Variants in NDUFB8 observed in about 807,000 individuals in gnomAD.
The protein encoded by NDUFB8 is NADH dehydrogenase [ubiquinone] 1 beta subcomplex subunit 8, mitochondrial.
A neutral mutation model predicts 26.0 loss-of-function variants in NDUFB8; 17 were observed. The observed-to-expected ratio is 0.65, with a 90% confidence interval of 0.45 to 0.98. The LOEUF is 0.98. NDUFB8 is among the 50% of genes least tolerant of loss of function. The probability of loss-of-function intolerance (pLI) is 0.00; values close to 1 mark genes in which losing one functional copy is unlikely to be tolerated. For synonymous variants in NDUFB8, 89 were observed against 93.1 expected, an observed-to-expected ratio of 0.96 and a Z score of 0.25; for missense variants, 238 against 255.0, an observed-to-expected ratio of 0.93 and a Z score of 0.45.
intron 3 of NDUFB8, 150 bp from the exon 4 acceptor site, chr10:100,526,704 C>A: frequency 1.0e-6 from 1 of 957,202 alleles, no homozygotes; most frequent in Non-Finnish European, 1.6e-6. Context: ...GGCACACTGC[C>A]CTACAGGATT....
intron 4 of NDUFB8, 129 bp downstream of exon 4, chr10:100,526,270 A>C: frequency 9.1e-7 from 1 of 1,099,688 alleles, no homozygotes; most frequent in Non-Finnish European, 1.2e-6. Context: ...AGGCCCTCCT[A>C]TCTTCCTATC....
At chr10:100,527,942 C>T (rs1852080945) in intron 2 of NDUFB8, among the ~76,000 whole-genome samples, 1 of 152,326 alleles carries the variant, frequency 6.6e-6, no homozygotes, top group East Asian at 1.9e-4. Flanking sequence ...GCCTCAGCCT[C>T]CCAAGTAGCT....
chr10:100,525,424 T>A (rs1852026994), intron 4 of NDUFB8, among the ~76,000 whole-genome samples: 1 of 151,942 alleles, frequency 6.6e-6, no homozygotes, highest in African/African-American at 2.4e-5. Flanking sequence ...GCCTGGCTAA[T>A]TTTTTTGTAT....
intron 4 of NDUFB8, among the ~76,000 whole-genome samples, chr10:100,525,722 G>GTGTA (rs1298554842): frequency 5.8e-5 from 1 of 17,326 alleles, no homozygotes; most frequent in African/African-American, 9.2e-5. Context: ...ACATACGTGT[G>GTGTA]TGTGTGTGTG....
At position 100,524,522 on chromosome 10, in the gene NDUFB8, A is replaced by G. The variant is rs1445760863; in HGVS notation, c.469-593T>C. ...GGTGATGTGCTTACAGAACTGAAAA[A>G]TGGAAGAGCCACACTGTTCCTTGCT... On this transcript the variant is annotated intron_variant, in intron 4 of 4. Transcript: ENST00000299166. This position sits in a 1 kb window ranked among gnomAD's most constrained non-coding sequence, Gnocchi z 4.0. 6.6e-6 allele frequency among the ~76,000 whole-genome samples: 1 copy of G among 152,184 alleles called. No homozygotes were observed. The highest frequency in any genetic ancestry group is 1.5e-5 in the Non-Finnish European group (1 of 68,024).
At chr10:100,526,716 G>A in intron 3 of NDUFB8, 162 bp from the exon 4 acceptor site, 2 of 883,596 alleles carry the variant, frequency 2.3e-6, no homozygotes, top group Non-Finnish European at 3.5e-6. Flanking sequence ...TACAGGATTA[G>A]ATGCTGGCCT....
Position 100,524,207 on chromosome 10 carries a change from G to C in NDUFB8, c.469-278C>G. 2 of 1,361,102 alleles carry C rather than the reference G, an allele frequency of 1.5e-6. No homozygotes were observed. The highest frequency in any genetic ancestry group is 1.0e-6 in the Non-Finnish European group (1 of 973,940). 84.3% of individuals were successfully genotyped at this position (1,361,102 alleles called of 1,614,324 possible). A position where few individuals can be genotyped will look rare whatever the true frequency, so the allele number is the denominator to read the frequency against. ...AAAGGAGGGGAAGGGAGGAAGACAG[G>C]GAGGGAGGTAAAGAAAGAGAGAAGA... On this transcript the variant is annotated intron_variant, in intron 4 of 4. Transcript: ENST00000299166. The surrounding 1 kb of genome is among the most constrained non-coding windows in gnomAD (Gnocchi z 4.0).
rs1057136071 is a variant in NDUFB8, at chr10:100,523,884, C to T, written c.514G>A (p.Gly172Ser). 8 of 1,613,998 alleles carry T rather than the reference C, an allele frequency of 5.0e-6. No homozygotes were observed. Among genetic ancestry groups the T allele is most frequent in the Middle Eastern group, 1.6e-4 (1 of 6,082 alleles). Reference protein sequence around the residue: ...PYNNLYLERGGDPSKEPERVV... With the variant: ...PYNNLYLERGSDPSKEPERVV... ...CGCTCTGGTTCTTTGGAGGGATCAC[C>T]GCCTCGTTCCAGGTACAGATTATTG... Residue 172 changes from glycine (G) to serine (S), a missense_variant, in exon 5 of 5, where the codon GGT becomes AGT. By Grantham distance (56) the Gly-to-Ser change is moderately conservative (BLOSUM62 0). Transcript: ENST00000299166.
At position 100,529,429 on chromosome 10, in the gene NDUFB8, A is replaced by T; in HGVS notation, c.163T>A (p.Tyr55Asn). The change falls in exon 2 of 5, where the codon TAT becomes AAT. Residue 55 changes from tyrosine (Y) to asparagine (N), a missense_variant. By Grantham distance (143) the Tyr-to-Asn change is moderately radical. Transcript: ENST00000299166. The part of the protein sequence containing the change: ...PEERAAAAKK[Y>N]NMRVEDYEPY... ...TCGTAGTCTTCCACACGCATATTAT[A>T]CTTCTTGGCGGCGGCGGCCCGTTCT... The T allele has an allele frequency of 6.2e-7, 1 of 1,612,416 alleles. No individual in the cohort carries two copies. The highest frequency in any genetic ancestry group is 8.5e-7 in the Non-Finnish European group (1 of 1,179,464).
rs1378092329 is a variant in NDUFB8, at chr10:100,524,557, T to G, written c.469-628A>C. On this transcript the variant is annotated intron_variant, in intron 4 of 4. Coordinates refer to ENST00000299166, the MANE Select transcript of NDUFB8 (RefSeq NM_005004.4). This position sits in a 1 kb window ranked among gnomAD's most constrained non-coding sequence, Gnocchi z 4.0. ...CACACTGTTCCTTGCTCTCCTGAAG[T>G]GAAGTTAGTGCTCACCCTAGCCCTA... Among the ~76,000 whole-genome samples the G allele has an allele frequency of 6.6e-6, 1 of 152,190 alleles. No homozygotes were observed. The highest frequency in any genetic ancestry group is 1.5e-5 in the Non-Finnish European group (1 of 68,034).
rs1373055920 is a variant in NDUFB8 at position 100,524,861 on chromosome 10, T to C, written c.469-932A>G. Among the ~76,000 whole-genome samples, 2 of 152,208 alleles carry C rather than the reference T, an allele frequency of 1.3e-5. No homozygotes were observed. The highest frequency in any genetic ancestry group is 1.3e-4 in the Admixed American group (2 of 15,284). On this transcript the variant is annotated intron_variant, in intron 4 of 4. Transcript: ENST00000299166. This position sits in a 1 kb window ranked among gnomAD's most constrained non-coding sequence, Gnocchi z 4.0. The stretch of plus-strand genomic sequence containing the variant: ...CCCTGCCACCTAGAGGCAGACCAAG[T>C]CATCACTGTATCCCCAACCGCTAGC...
At position 100,529,831 on chromosome 10, in the gene NDUFB8, C is replaced by A. The variant is rs748828360; in HGVS notation, c.21G>T (p.Gly7=). ...TTTGCAGCCACTGGACTCCCAAGAC[C>A]CCGGCCCTGGCCACCGCCATCTTCA... MAVARA[G]VLGVQWLQRA... The change falls in exon 1 of 5, where the codon GGG becomes GGT. Residue 7 remains glycine, a synonymous_variant. Coordinates refer to ENST00000299166, the MANE Select transcript of NDUFB8 (RefSeq NM_005004.4). 1 of 1,607,824 alleles carries A rather than the reference C, an allele frequency of 6.2e-7. No individual in the cohort carries two copies. The highest frequency in any genetic ancestry group is 8.5e-7 in the Non-Finnish European group (1 of 1,177,172).
Position 100,523,789 on chromosome 10 carries a change from G to A in NDUFB8, c.*48C>T. ...GGATTTCATTAAGGTTAAATTTCTA[G>A]GAATGAGGGAGTCCTAGTTAGAGGA... On this transcript the variant is annotated 3_prime_UTR_variant, in exon 5 of 5. Coordinates refer to ENST00000299166, the MANE Select transcript of NDUFB8 (RefSeq NM_005004.4). The A allele has an allele frequency of 6.6e-7, 1 of 1,516,278 alleles. No homozygotes were observed. The highest frequency in any genetic ancestry group is 9.1e-7 in the Non-Finnish European group (1 of 1,096,668). 93.9% of individuals were successfully genotyped at this position (1,516,278 alleles called of 1,614,324 possible).
Position 100,526,382 on chromosome 10 carries a change from A to G in NDUFB8, c.468+17T>C. The G allele has an allele frequency of 6.4e-7, 1 of 1,570,064 alleles. No homozygotes were observed. Among genetic ancestry groups the G allele is most frequent in the Non-Finnish European group, 8.6e-7 (1 of 1,165,320 alleles). ...GCTAAGCAAGCGTGCCTAAGGGAGC[A>G]CTTCTCGGATACTCACCACAGGCTG... On this transcript the variant is annotated intron_variant, in intron 4 of 4. Transcript: ENST00000299166.
chr10:100,529,876 C>T (rs374820120), upstream of NDUFB8: 6 of 1,612,670 alleles, frequency 3.7e-6, no homozygotes, highest in African/African-American at 5.3e-5. Context: ...CGTTTCCCTT[C>T]TGCACATGCG....
At chr10:100,527,174 T>A in intron 2 of NDUFB8, 100 bp from the exon 3 acceptor site, 1 of 948,524 alleles carries the variant, frequency 1.1e-6, no homozygotes, top group Non-Finnish European at 1.7e-6. Context: ...CAGAGATAAC[T>A]GCCTCACCTA....
chr10:100,528,526 T>C (rs1188662415), intron 2 of NDUFB8, among the ~76,000 whole-genome samples: 1 of 152,250 alleles, frequency 6.6e-6, no homozygotes, highest in African/African-American at 2.4e-5. Flanking sequence ...AACTGTGTTC[T>C]TGACCACCCA....
rs759204762 is a variant in NDUFB8 at position 100,529,479 on chromosome 10, G to A, written c.113C>T (p.Pro38Leu). ...TTCTGGGGTCCTAGGATAGGGCCCC[G>A]GGAACATGTCCTTGGTCATGTGGGA... The part of the protein sequence containing the change: ...TASHMTKDMF[P>L]GPYPRTPEER... The change falls in exon 2 of 5, where the codon CCG becomes CTG. Residue 38 changes from proline (P) to leucine (L), a missense_variant. Transcript: ENST00000299166. 6.8e-5 allele frequency: 109 copies of A among 1,612,346 alleles called. No individual in the cohort carries two copies. The highest frequency in any genetic ancestry group is 8.5e-5 in the Non-Finnish European group (100 of 1,179,582).
chr10:100,525,859 TC>T (rs1035476491), intron 4 of NDUFB8, among the ~76,000 whole-genome samples: 2 of 151,932 alleles, frequency 1.3e-5, no homozygotes, highest in African/African-American at 4.8e-5. Flanking sequence ...TGTACAGAAT[TC>T]CCATATATCT....
Sources: allele counts gnomAD v4.1 joint callset (sites outside exome capture counted in the v4.1 genomes callset), GRCh38; gene constraint gnomAD v4.1.1; non-coding constraint Gnocchi (gnomAD v3.1); transcripts MANE v1.5; gene names NCBI Gene and HGNC (gene_info 2026-07-23, HGNC 2026-07-21).